SGPL1: variants seen among roughly 807,000 people sequenced by gnomAD.
SGPL1 encodes the protein SP-lyase 1.
SGPL1 carries 37 observed loss-of-function variants against 68.9 expected under a neutral mutation model. That is an observed-to-expected ratio of 0.54 (90% confidence interval 0.41 to 0.71). The LOEUF is 0.71. Among genes scored for constraint, SGPL1 ranks in the 30% least tolerant of loss-of-function variants. SGPL1 has a pLI of 0.00. For synonymous variants in SGPL1, 236 were observed against 248.5 expected (o/e 0.95, Z 0.47); for missense variants, 551 against 704.6 (o/e 0.78, Z 2.47).
rs199746947 is a variant in SGPL1, at chr10:70,857,717, C to T, written c.486+27C>T. On this transcript the variant is annotated intron_variant, in intron 6 of 14. Transcript: ENST00000373202. ...TGAGTGTCCAGTTCTTGAGGGAAGC[C>T]TGTGAGGTCTGTGCCAGTTTACATG... The T allele has an allele frequency of 1.9e-5, 29 of 1,500,654 alleles. No homozygotes were observed. In the Admixed American group the frequency reaches 4.1e-4, roughly 21 times the overall value. The allele number at this position is 1,500,654 out of a possible 1,614,324, so 93.0% of individuals were successfully genotyped here.
At chr10:70,872,684 G>A (rs889715767) in intron 11 of SGPL1, among the ~76,000 whole-genome samples, 15 of 152,132 alleles carry the variant, frequency 9.9e-5, no homozygotes, top group Non-Finnish European at 1.9e-4. Context: ...ATCTGCAGCC[G>A]ATTTTCAGTC....
At position 70,838,204 on chromosome 10, in the gene SGPL1, G is replaced by A. The variant is rs9943429; in HGVS notation, c.28-6269G>A. Reference sequence around the variant, plus strand: ...AGTGTGGGTCTGGAAATATTTGCCAGATGGCTTTTCTCTTTTAGTAATATT... The same window carrying A: ...AGTGTGGGTCTGGAAATATTTGCCAAATGGCTTTTCTCTTTTAGTAATATT... On this transcript the variant is annotated intron_variant, in intron 2 of 14. Transcript: ENST00000373202. 6.2e-3 allele frequency among the ~76,000 whole-genome samples: 942 copies of A among 152,344 alleles called. 12 individuals are homozygous for A. Among genetic ancestry groups the A allele is most frequent in the South Asian group, 0.035 (167 of 4,824 alleles).
chr10:70,863,553 T>C (rs10999570), intron 7 of SGPL1, among the ~76,000 whole-genome samples: 26,232 of 151,942 alleles, frequency 0.17, 2,914 homozygotes, highest in South Asian at 0.32. Context: ...GAGGCCTAGA[T>C]TGAAGTTAAG....
At chr10:70,855,403 A>G (rs1845948521) in intron 5 of SGPL1, among the ~76,000 whole-genome samples, 1 of 152,242 alleles carries the variant, frequency 6.6e-6, no homozygotes, top group Non-Finnish European at 1.5e-5. Context: ...TAAATAGACC[A>G]AATAGCTTGG....
Position 70,847,139 on chromosome 10 carries a change from T to TTTTTTTG in SGPL1, c.193+2521_193+2527dup, listed in dbSNP as rs527618572. Among the ~76,000 whole-genome samples the TTTTTTTG allele has an allele frequency of 5.1e-4, 77 of 152,226 alleles. No homozygotes were observed. The South Asian group carries it at 0.015, about 30-fold the overall frequency. On this transcript the variant is annotated intron_variant, in intron 3 of 14. Transcript: ENST00000373202. Reference sequence around the variant, plus strand: ...CTGAACTCCAAGCCATTTGAGGTTTTTTTTTTGTTTTTTGTTTTTTGTTTT... The same window carrying TTTTTTTG: ...CTGAACTCCAAGCCATTTGAGGTTTTTTTTTTGTTTTTTGTTTTTTGTTTTTTGTTTT...
intron 2 of SGPL1, among the ~76,000 whole-genome samples, chr10:70,828,604 A>T (rs1328269817): frequency 6.6e-6 from 1 of 152,216 alleles, no homozygotes; most frequent in East Asian, 1.9e-4. Flanking sequence ...TACACAATTG[A>T]TGGGAACAAA....
At chr10:70,843,614 G>T (rs1845748839) in intron 2 of SGPL1, among the ~76,000 whole-genome samples, 1 of 152,138 alleles carries the variant, frequency 6.6e-6, no homozygotes. Flanking sequence ...AGGGAGAGAG[G>T]AATTCTCGTG....
At chr10:70,863,822 C>A (rs1483051542) in intron 7 of SGPL1, among the ~76,000 whole-genome samples, 1 of 152,124 alleles carries the variant, frequency 6.6e-6, no homozygotes, top group South Asian at 2.1e-4. Flanking sequence ...GGATTTATTT[C>A]TTGTACACTG....
intron 2 of SGPL1, among the ~76,000 whole-genome samples, chr10:70,838,824 A>T (rs1845670530): frequency 6.6e-6 from 1 of 152,194 alleles, no homozygotes; most frequent in Non-Finnish European, 1.5e-5. Flanking sequence ...TTTTGGTTTT[A>T]TATGTTTCTG....
chr10:70,870,112 G>C (rs1846265301), intron 9 of SGPL1: 1 of 439,674 alleles, frequency 2.3e-6, no homozygotes, highest in Non-Finnish European at 4.0e-6. Context: ...CACTAACTTG[G>C]GACTTGAGAG....
rs55860254 is a variant in SGPL1, at chr10:70,848,454, C to CTTTTTTTTTTTTTTT, written c.194-2675_194-2661dup. Among the ~76,000 whole-genome samples, 2 of 70,678 alleles carry CTTTTTTTTTTTTTTT rather than the reference C, an allele frequency of 2.8e-5. 1 individual carries two copies. 46.4% of individuals were successfully genotyped at this position (70,678 alleles called of 152,430 possible). ...CAAACTAACGTGATTACCTCACGTA[C>CTTTTTTTTTTTTTTT]TTTTTTTTTTTTTTTTTTTTTTTTT... is the stretch of plus-strand genomic sequence containing the variant. On this transcript the variant is annotated intron_variant, in intron 3 of 14. Coordinates refer to ENST00000373202, the MANE Select transcript of SGPL1 (RefSeq NM_003901.4).
chr10:70,819,741 C>T (rs1254349368), intron 2 of SGPL1, among the ~76,000 whole-genome samples: 8 of 151,040 alleles, frequency 5.3e-5, no homozygotes, highest in South Asian at 4.2e-4. Context: ...GATGATCCTT[C>T]CACCTCAGCC....
chr10:70,845,827 A>G (rs1396667408), intron 3 of SGPL1, among the ~76,000 whole-genome samples: 1 of 152,180 alleles, frequency 6.6e-6, no homozygotes, highest in Non-Finnish European at 1.5e-5. Flanking sequence ...AAACAGTAAC[A>G]TTGAAGATAA....
At chr10:70,827,589 G>T (rs1022065037) in intron 2 of SGPL1, among the ~76,000 whole-genome samples, 1 of 152,094 alleles carries the variant, frequency 6.6e-6, no homozygotes, top group Non-Finnish European at 1.5e-5. Flanking sequence ...AACAATCCTA[G>T]CCCATTATTC....
At chr10:70,845,981 T>C (rs974303886) in intron 3 of SGPL1, among the ~76,000 whole-genome samples, 3 of 152,242 alleles carry the variant, frequency 2.0e-5, no homozygotes, top group Admixed American at 2.0e-4. Context: ...GATTCCATTT[T>C]TATCTCTTTA....
At chr10:70,875,797 TCA>T (rs1846374379) in intron 13 of SGPL1, among the ~76,000 whole-genome samples, 1 of 152,230 alleles carries the variant, frequency 6.6e-6, no homozygotes, top group Admixed American at 6.5e-5. Context: ...GGTTTTTCTC[TCA>T]GTCTCTAGCC....
intron 9 of SGPL1, 104 bp downstream of exon 9, chr10:70,870,001 T>C: frequency 1.3e-6 from 1 of 799,396 alleles, no homozygotes; most frequent in Non-Finnish European, 2.1e-6. Context: ...CTGCCTTTGA[T>C]TGTGGCAGCC....
At position 70,871,905 on chromosome 10, in the gene SGPL1, G is replaced by A. The variant is rs747176722; in HGVS notation, c.978G>A (p.Met326Ile). Reference protein sequence around the residue: ...ACLGGFLIVFMEKAGYPLEHP... With the variant: ...ACLGGFLIVFIEKAGYPLEHP... ...TGGGAGGCTTCCTCATCGTCTTTAT[G>A]GAGAAAGCAGGATACCCACTGGAGC... Residue 326 changes from methionine (M) to isoleucine (I), a missense_variant, in exon 11 of 15, where the codon ATG becomes ATA. By Grantham distance (10) the Met-to-Ile change is conservative. Transcript: ENST00000373202. 2 of 1,614,036 alleles carry A rather than the reference G, an allele frequency of 1.2e-6. No homozygotes were observed. Among genetic ancestry groups the A allele is most frequent in the South Asian group, 1.1e-5 (1 of 91,068 alleles).
intron 5 of SGPL1, among the ~76,000 whole-genome samples, chr10:70,856,143 C>A (rs945391218): frequency 6.6e-6 from 1 of 151,954 alleles, no homozygotes; most frequent in East Asian, 1.9e-4. Context: ...TACAGGCGTG[C>A]GGCACCATAC....
Sources: allele counts gnomAD v4.1 joint callset (sites outside exome capture counted in the v4.1 genomes callset), GRCh38; gene constraint gnomAD v4.1.1; transcripts MANE v1.5; gene names NCBI Gene and HGNC (gene_info 2026-07-23, HGNC 2026-07-21).